The following SRFBP1 variants were observed in gnomAD, a reference collection of about 807,000 sequenced individuals.
SRFBP1 encodes serum response factor binding protein 1.
A neutral mutation model predicts 45.5 loss-of-function variants in SRFBP1; 47 were observed. The observed-to-expected ratio is 1.03, with a 90% CI of 0.82 to 1.32. The LOEUF (loss-of-function observed/expected upper bound fraction) is 1.32, where lower values mean the gene tolerates loss of function less well. SRFBP1 is among the 40% of genes most tolerant of loss of function. The pLI is 0.00. For synonymous variants in SRFBP1, 203 were observed against 166.3 expected (o/e 1.22, Z -1.70); for missense variants, 621 against 484.6 (o/e 1.28, Z -2.64).
intron 3 of SRFBP1, among the ~76,000 whole-genome samples, chr5:121,979,008 C>A (rs893885300): frequency 1.3e-5 from 2 of 152,150 alleles, no homozygotes; most frequent in African/African-American, 4.8e-5. Context: ...TTTGAGCTTA[C>A]AATCAGCAGT....
chr5:122,060,240 G>A (rs1239642600), intron 2 of SRFBP1, among the ~76,000 whole-genome samples: 1 of 152,060 alleles, frequency 6.6e-6, no homozygotes, highest in African/African-American at 2.4e-5. Flanking sequence ...AAATCAGGTA[G>A]GTGAGCAGCC....
At chr5:121,997,564 A>C (rs1297718416) in intron 4 of SRFBP1, among the ~76,000 whole-genome samples, 2 of 151,592 alleles carry the variant, frequency 1.3e-5, no homozygotes, top group Non-Finnish European at 3.0e-5. Flanking sequence ...TAAAAACCCT[A>C]GAAGAAAACC....
chr5:121,989,348 G>A (rs1262657141), intron 3 of SRFBP1, among the ~76,000 whole-genome samples: 1 of 152,072 alleles, frequency 6.6e-6, no homozygotes, highest in Non-Finnish European at 1.5e-5. Flanking sequence ...TTACAGGTGT[G>A]AGCCACCGAG....
At chr5:122,003,883 C>A (rs1752927697) in intron 4 of SRFBP1, among the ~76,000 whole-genome samples, 1 of 152,116 alleles carries the variant, frequency 6.6e-6, no homozygotes, top group African/African-American at 2.4e-5. Flanking sequence ...TGTTTAGGTC[C>A]TTTGCCTATT....
chr5:122,069,928 T>C (rs1754402016), intron 2 of SRFBP1: 1 of 773,280 alleles, frequency 1.3e-6, no homozygotes, highest in Non-Finnish European at 2.4e-6. Context: ...TACCATTTTC[T>C]GCCTTTGGTC....
At chr5:122,034,115 C>T (rs1031800045) in intron 2 of SRFBP1, among the ~76,000 whole-genome samples, 2 of 152,198 alleles carry the variant, frequency 1.3e-5, no homozygotes, top group African/African-American at 2.4e-5. Flanking sequence ...TGAACCACTG[C>T]GCCCGGCCTA....
intron 2 of SRFBP1, among the ~76,000 whole-genome samples, chr5:122,071,111 C>T (rs1296856402): frequency 6.6e-6 from 1 of 152,042 alleles, no homozygotes; most frequent in Admixed American, 6.6e-5. Context: ...TGCAAGTTCC[C>T]TAAGGGTAGA....
intron 2 of SRFBP1, among the ~76,000 whole-genome samples, chr5:122,047,857 G>C (rs1006613403): frequency 2.0e-5 from 3 of 152,106 alleles, no homozygotes; most frequent in African/African-American, 7.2e-5. Context: ...GTCTGTTATT[G>C]GTGTATAAGA....
At chr5:122,039,153 A>G (rs964000356) in intron 2 of SRFBP1, among the ~76,000 whole-genome samples, 1 of 152,184 alleles carries the variant, frequency 6.6e-6, no homozygotes, top group Non-Finnish European at 1.5e-5. Flanking sequence ...TATCTCTCAT[A>G]TTCCGTAATG....
intron 3 of SRFBP1, among the ~76,000 whole-genome samples, chr5:121,986,564 A>G (rs1047613163): frequency 2.0e-5 from 3 of 152,054 alleles, no homozygotes; most frequent in Non-Finnish European, 4.4e-5. Context: ...TACATGATCA[A>G]TGTGGTTGCG....
Position 122,044,098 on chromosome 5 carries a change from A to G in SRFBP1, n.311+21691A>G, listed in dbSNP as rs906928846. Among the ~76,000 whole-genome samples, 3 of 152,134 alleles carry G rather than the reference A, an allele frequency of 2.0e-5. No individual in the cohort carries two copies. The East Asian group carries it at 5.8e-4, about 29-fold the overall frequency. On this transcript the variant is annotated intron_variant and non_coding_transcript_variant, in intron 2 of 2. Coordinates refer to the SRFBP1 transcript ENST00000504881. ...GTTTAGTCCCCACTTGCAGGTGAGAATGTGCAGTATTGGATTTTCTGTTCC... is the reference window on the plus strand; with the variant it reads ...GTTTAGTCCCCACTTGCAGGTGAGAGTGTGCAGTATTGGATTTTCTGTTCC...
Position 121,969,039 on chromosome 5 carries a change from A to G in SRFBP1, c.37-5157A>G, listed in dbSNP as rs952096533. On this transcript the variant is annotated intron_variant, in intron 1 of 7. Transcript: ENST00000339397. Reference sequence around the variant, plus strand: ...CTATCACATAGCCAGCCAAAAGTCAATTCAAGTAGCATTTAATTTTGTCTT... The same window carrying G: ...CTATCACATAGCCAGCCAAAAGTCAGTTCAAGTAGCATTTAATTTTGTCTT... Among the ~76,000 whole-genome samples the G allele has an allele frequency of 3.9e-5, 6 of 152,190 alleles. No individual in the cohort carries two copies. In the South Asian group the frequency reaches 8.3e-4, roughly 21 times the overall value.
At chr5:121,999,504 GT>G (rs552212667) in intron 4 of SRFBP1, among the ~76,000 whole-genome samples, 3 of 149,890 alleles carry the variant, frequency 2.0e-5, no homozygotes, top group Non-Finnish European at 3.0e-5. Flanking sequence ...TATTTTTACT[GT>G]TTTTTTTTCT....
intron 2 of SRFBP1, among the ~76,000 whole-genome samples, chr5:122,061,724 A>G (rs535683373): frequency 6.6e-6 from 1 of 152,180 alleles, no homozygotes; most frequent in South Asian, 2.1e-4. Flanking sequence ...AAGTTATCTA[A>G]CAAATAGGAA....
chr5:122,018,697 T>C (rs1458768915), intron 4 of SRFBP1, among the ~76,000 whole-genome samples: 2 of 152,214 alleles, frequency 1.3e-5, no homozygotes, highest in East Asian at 1.9e-4. Context: ...GCCGGCATTA[T>C]GATTTTTCCA....
chr5:121,973,429 T>C (rs1053816787), intron 1 of SRFBP1, among the ~76,000 whole-genome samples: 1 of 151,870 alleles, frequency 6.6e-6, no homozygotes, highest in African/African-American at 2.4e-5. Flanking sequence ...GCCTCGTAAC[T>C]GATAGATGAA....
rs776890657 is a variant in SRFBP1 at position 121,974,296 on chromosome 5, A to G, written c.125+12A>G. The G allele has an allele frequency of 6.3e-7, 1 of 1,587,684 alleles. No homozygotes were observed. The highest frequency in any genetic ancestry group is 8.6e-7 in the Non-Finnish European group (1 of 1,157,216). On this transcript the variant is annotated intron_variant, in intron 2 of 7. Coordinates refer to ENST00000339397, the MANE Select transcript of SRFBP1 (RefSeq NM_152546.3). ...CTGAAGTCAAAAAAGTTAGTCATTT[A>G]AAGTAATGATCTTGTGACTAATAAA... is the stretch of plus-strand genomic sequence containing the variant.
At chr5:121,985,259 T>C (rs1752487355) in intron 3 of SRFBP1, among the ~76,000 whole-genome samples, 1 of 151,844 alleles carries the variant, frequency 6.6e-6, no homozygotes, top group African/African-American at 2.4e-5. Context: ...AAAAGTTGAA[T>C]GAAACTTTAC....
Position 122,057,867 on chromosome 5 carries a change from G to A in SRFBP1, n.312-17448G>A, listed in dbSNP as rs138011576. Among the ~76,000 whole-genome samples the A allele has an allele frequency of 1.2e-3, 187 of 151,872 alleles. 2 individuals carry two copies. The East Asian group carries it at 0.03, about 25-fold the overall frequency. ...CTAATTTTTAAATTTTTGTAGAGAC[G>A]GAGTCTTTTCAGAGTTGCCCATGCT... is the stretch of plus-strand genomic sequence containing the variant. On this transcript the variant is annotated intron_variant and non_coding_transcript_variant, in intron 2 of 2. Coordinates refer to the SRFBP1 transcript ENST00000504881.
Sources: gnomAD v4.1 joint callset for allele counts (sites outside exome capture counted in the v4.1 genomes callset) on GRCh38, gnomAD v4.1.1 for gene constraint, MANE v1.5 for transcripts, NCBI Gene and HGNC (gene_info 2026-07-23, HGNC 2026-07-21) for gene names.